SOX5: variants seen among roughly 807,000 people sequenced by gnomAD.
SOX5 encodes transcription factor SOX-5.
In SOX5, 9 loss-of-function variants were observed where a neutral mutation model predicts 92.0. The observed-to-expected ratio is 0.10, with a 90% CI of 0.06 to 0.17. The LOEUF (loss-of-function observed/expected upper bound fraction) is 0.17. SOX5 is among the 10% of genes least tolerant of loss of function. SOX5 has a pLI of 1.00. For missense variants in SOX5, 642 were observed against 944.5 expected (o/e 0.68, Z 4.20); for synonymous variants, 344 against 336.3 (o/e 1.02, Z -0.25).
At chr12:24,135,254 G>A (rs115027433) in intron 4 of SOX5, among the ~76,000 whole-genome samples, 2 of 152,008 alleles carry the variant, frequency 1.3e-5, no homozygotes, top group African/African-American at 2.4e-5. Context: ...TTCCAATCCC[G>A]CCTCAGATAT....
chr12:24,258,765 C>A (rs1941636964), intron 3 of SOX5, among the ~76,000 whole-genome samples: 1 of 152,136 alleles, frequency 6.6e-6, no homozygotes, highest in African/African-American at 2.4e-5. Flanking sequence ...GCAATAATAA[C>A]ATATATTGAA....
chr12:24,326,550 G>C (rs1490105362), intron 2 of SOX5, among the ~76,000 whole-genome samples: 6 of 152,048 alleles, frequency 3.9e-5, no homozygotes, highest in Admixed American at 3.9e-4. Context: ...TTTTGAACGA[G>C]GTTATGAAGC....
intron 6 of SOX5, among the ~76,000 whole-genome samples, chr12:23,710,550 T>A (rs891882824): frequency 6.6e-6 from 1 of 152,136 alleles, no homozygotes; most frequent in Non-Finnish European, 1.5e-5. Flanking sequence ...TTCATCCATG[T>A]CCCCACAAAG....
intron 3 of SOX5, among the ~76,000 whole-genome samples, chr12:23,825,502 G>A (rs778898549): frequency 1.6e-4 from 24 of 152,272 alleles, no homozygotes; most frequent in Non-Finnish European, 2.9e-4. Flanking sequence ...AGCTGCAGAC[G>A]GGAGCAGTTC....
chr12:24,180,565 T>A, intron 4 of SOX5, among the ~76,000 whole-genome samples: 1 of 152,168 alleles, frequency 6.6e-6, no homozygotes, highest in East Asian at 1.9e-4. Flanking sequence ...TTGACAGCAA[T>A]GGGGTATGCA....
chr12:24,406,631 G>A (rs1963012284), intron 1 of SOX5, among the ~76,000 whole-genome samples: 1 of 152,028 alleles, frequency 6.6e-6, no homozygotes. Context: ...TAGATCTTCT[G>A]ATATTAAATT....
chr12:24,100,226 C>T (rs1945922547), intron 4 of SOX5, among the ~76,000 whole-genome samples: 2 of 152,088 alleles, frequency 1.3e-5, no homozygotes, highest in African/African-American at 4.8e-5. Flanking sequence ...AAATCTCCCA[C>T]TATTTTTTAG....
At chr12:23,945,108 G>C (rs1569183416) in intron 1 of SOX5, among the ~76,000 whole-genome samples, 1 of 152,088 alleles carries the variant, frequency 6.6e-6, no homozygotes, top group Non-Finnish European at 1.5e-5. Context: ...AGAGAAAACA[G>C]ACAATAAAAA....
intron 4 of SOX5, among the ~76,000 whole-genome samples, chr12:24,050,282 T>G (rs1207574575): frequency 6.6e-6 from 1 of 152,116 alleles, no homozygotes; most frequent in Non-Finnish European, 1.5e-5. Flanking sequence ...AGGTTTTTCA[T>G]TTTTTTGTAC....
chr12:23,545,305 T>C (rs4963700), intron 12 of SOX5, among the ~76,000 whole-genome samples: 11,981 of 152,252 alleles, frequency 0.079, 642 homozygotes, highest in South Asian at 0.12. Flanking sequence ...TTGAGGGCGG[T>C]ACTGCCAAAG....
chr12:24,220,238 T>C (rs868684910), intron 3 of SOX5, among the ~76,000 whole-genome samples: 1 of 152,042 alleles, frequency 6.6e-6, no homozygotes, highest in Non-Finnish European at 1.5e-5. Context: ...CAAGTAGATA[T>C]AGCATTTATA....
intron 2 of SOX5, among the ~76,000 whole-genome samples, chr12:23,875,921 T>C (rs993894778): frequency 2.0e-5 from 3 of 152,190 alleles, no homozygotes; most frequent in Non-Finnish European, 2.9e-5. Flanking sequence ...CGGGCCTCTA[T>C]TGGAAATACT....
chr12:24,504,332 T>C (rs1948512657), intron 1 of SOX5, among the ~76,000 whole-genome samples: 2 of 152,242 alleles, frequency 1.3e-5, no homozygotes, highest in Non-Finnish European at 2.9e-5. Flanking sequence ...CTTTACACTC[T>C]TGAAAATAAT....
chr12:24,475,007 T>G (rs1426122454), intron 1 of SOX5, among the ~76,000 whole-genome samples: 1 of 152,018 alleles, frequency 6.6e-6, no homozygotes, highest in Non-Finnish European at 1.5e-5. Flanking sequence ...CACACCACCA[T>G]GCCCACCTAA....
chr12:23,876,256 C>A (rs1005755240), intron 2 of SOX5, among the ~76,000 whole-genome samples: 4 of 152,074 alleles, frequency 2.6e-5, no homozygotes. Flanking sequence ...CCAGAATCTA[C>A]AAGGAACTTA....
At chr12:24,380,527 G>A (rs763553826) in intron 1 of SOX5, among the ~76,000 whole-genome samples, 1 of 152,296 alleles carries the variant, frequency 6.6e-6, no homozygotes, top group South Asian at 2.1e-4. Flanking sequence ...CATTTGTAAT[G>A]TAAATAACCT....
At chr12:24,505,942 C>T (rs1191046040) in intron 1 of SOX5, among the ~76,000 whole-genome samples, 1 of 151,876 alleles carries the variant, frequency 6.6e-6, no homozygotes, top group Admixed American at 6.6e-5. Context: ...CTACTGTGAA[C>T]ACCTCGCATT....
At chr12:24,386,198 T>C (rs540210775) in intron 1 of SOX5, among the ~76,000 whole-genome samples, 4 of 152,278 alleles carry the variant, frequency 2.6e-5, no homozygotes, top group Admixed American at 1.3e-4. Context: ...TTCAAGTCTA[T>C]TGACAATGTT....
intron 6 of SOX5, among the ~76,000 whole-genome samples, chr12:23,728,957 T>C (rs2093280543): frequency 6.6e-6 from 1 of 152,124 alleles, no homozygotes; most frequent in African/African-American, 2.4e-5. Context: ...TAAAAACCTC[T>C]TGTAGTTCTA....
Sources: allele counts gnomAD v4.1 joint callset (sites outside exome capture counted in the v4.1 genomes callset), GRCh38; gene constraint gnomAD v4.1.1; transcripts MANE v1.5; gene names NCBI Gene and HGNC (gene_info 2026-07-23, HGNC 2026-07-21).